Variants in ARMC9 observed in about 807,000 individuals in gnomAD.
ARMC9 encodes the protein lisH domain-containing protein ARMC9.
In ARMC9, 94 loss-of-function variants were observed where a neutral mutation model predicts 107.0. The ratio of observed to expected loss-of-function variants is 0.88; its 90% CI spans 0.74 to 1.04. ARMC9 has a LOEUF of 1.04. ARMC9 is among the 50% of genes least tolerant of loss of function. The probability of loss-of-function intolerance (pLI) is 0.00; values close to 1 mark genes in which losing one functional copy is unlikely to be tolerated. For synonymous variants in ARMC9, 380 were observed against 396.9 expected (o/e 0.96, Z 0.51); for missense variants, 942 against 1,030.1 (o/e 0.91, Z 1.17).
At chr2:231,239,539 G>A (rs1232750029) in intron 8 of ARMC9, among the ~76,000 whole-genome samples, 4 of 152,178 alleles carry the variant, frequency 2.6e-5, no homozygotes, top group East Asian at 1.9e-4. Context: ...TGGTCTTCTC[G>A]AGTCCAGGAC....
intron 13 of ARMC9, 90 bp from the exon 14 acceptor site, chr2:231,272,865 G>A: frequency 1.3e-6 from 2 of 1,484,164 alleles, no homozygotes; most frequent in Non-Finnish European, 1.8e-6. Flanking sequence ...TGTGTTATAT[G>A]CAAAGTAAGT....
chr2:231,235,130 C>A (rs1483640237), intron 7 of ARMC9, 94 bp from the exon 8 acceptor site: 1 of 1,331,264 alleles, frequency 7.5e-7, no homozygotes, highest in Non-Finnish European at 1.0e-6. Flanking sequence ...AGAAAACATT[C>A]TGGCAATAAG....
At chr2:231,350,901 T>C (rs2045038570) in intron 21 of ARMC9, among the ~76,000 whole-genome samples, 1 of 149,162 alleles carries the variant, frequency 6.7e-6, no homozygotes, top group East Asian at 1.9e-4. Context: ...TGAGATGCTA[T>C]GCTTGGAGGT....
chr2:231,263,687 GT>G (rs1326894557), intron 12 of ARMC9, among the ~76,000 whole-genome samples: 1 of 152,212 alleles, frequency 6.6e-6, no homozygotes, highest in Non-Finnish European at 1.5e-5. Context: ...TACAATCTGA[GT>G]TTTGAGTTGC....
At chr2:231,278,072 G>A (rs901421394) in intron 15 of ARMC9, among the ~76,000 whole-genome samples, 7 of 152,128 alleles carry the variant, frequency 4.6e-5, no homozygotes, top group African/African-American at 9.7e-5. Context: ...TGCTCTGACC[G>A]GAGTAATAGC....
chr2:231,309,541 T>C (rs2042219307), intron 19 of ARMC9, among the ~76,000 whole-genome samples: 1 of 152,154 alleles, frequency 6.6e-6, no homozygotes. Context: ...TTTGATCAAA[T>C]CACTATCACT....
Position 231,371,709 on chromosome 2 carries a change from A to G in ARMC9, c.*174A>G, listed in dbSNP as rs2125601732. ...AGAGCAAGGCCATCGCAGCCCCGCCAGCCGGGTCACTTTCTCCCAGGGCAG... is the reference window on the plus strand; with the variant it reads ...AGAGCAAGGCCATCGCAGCCCCGCCGGCCGGGTCACTTTCTCCCAGGGCAG... On this transcript the variant is annotated 3_prime_UTR_variant, in exon 25 of 25. Transcript: ENST00000611582. 1 of 606,794 alleles carries G rather than the reference A, an allele frequency of 1.6e-6. No individual in the cohort carries two copies. Among genetic ancestry groups the G allele is most frequent in the East Asian group, 3.5e-5 (1 of 28,924 alleles). The allele number at this position is 606,794 out of a possible 1,614,324, so 37.6% of individuals were successfully genotyped here. A position where few individuals can be genotyped will look rare whatever the true frequency, so the allele number is the denominator to read the frequency against.
intron 19 of ARMC9, among the ~76,000 whole-genome samples, chr2:231,322,392 A>G (rs1165436118): frequency 5.3e-5 from 8 of 152,234 alleles, no homozygotes; most frequent in Non-Finnish European, 1.5e-5. Flanking sequence ...AGGTGTCTCA[A>G]ATTTAAACTA....
At position 231,255,230 on chromosome 2, in the gene ARMC9, G is replaced by C. The variant is rs2037667837; in HGVS notation, c.880-1356G>C. Reference sequence around the variant, plus strand: ...ACACACACACACACACAAAATAAATGGGACAAGAATCTCCGTAAAGTAGGT... The same window carrying C: ...ACACACACACACACACAAAATAAATCGGACAAGAATCTCCGTAAAGTAGGT... On this transcript the variant is annotated intron_variant, in intron 9 of 24. Coordinates refer to ENST00000611582, the MANE Select transcript of ARMC9 (RefSeq NM_001352754.2). The surrounding 1 kb of genome is among the most constrained non-coding windows in gnomAD (Gnocchi z 4.7). Among the ~76,000 whole-genome samples the C allele has an allele frequency of 6.7e-6, 1 of 148,624 alleles. No homozygotes were observed. The highest frequency in any genetic ancestry group is 1.5e-5 in the Non-Finnish European group (1 of 67,128).
chr2:231,237,175 C>CGCGT (rs1553601760), intron 8 of ARMC9, among the ~76,000 whole-genome samples: 1 of 148,698 alleles, frequency 6.7e-6, no homozygotes. Context: ...TCTGCGTATG[C>CGCGT]GTGTGTGTGT....
chr2:231,269,520 G>A (rs1260126526), intron 12 of ARMC9, among the ~76,000 whole-genome samples: 1 of 150,448 alleles, frequency 6.6e-6, no homozygotes, highest in Non-Finnish European at 1.5e-5. Flanking sequence ...CGAGTAGCTG[G>A]GATTACAGGT....
At chr2:231,232,991 C>T (rs1323191093) in intron 7 of ARMC9, among the ~76,000 whole-genome samples, 2 of 152,100 alleles carry the variant, frequency 1.3e-5, no homozygotes, top group East Asian at 3.9e-4. Flanking sequence ...GCTGGGACTA[C>T]AGGTGCGTGC....
chr2:231,294,370 C>T (rs1468169870), intron 18 of ARMC9: 1 of 152,620 alleles, frequency 6.6e-6, no homozygotes. Flanking sequence ...CCAGCCAGGT[C>T]ACTGGGCAGG....
chr2:231,369,885 C>T (rs1271061450), intron 23 of ARMC9, 68 bp from the exon 24 acceptor site: 2 of 1,368,046 alleles, frequency 1.5e-6, no homozygotes, highest in Non-Finnish European at 1.9e-6. Flanking sequence ...GGAGCCACCA[C>T]ACCCGGCCCC....
intron 21 of ARMC9, among the ~76,000 whole-genome samples, chr2:231,353,340 C>G (rs1256101913): frequency 1.6e-5 from 2 of 123,798 alleles, no homozygotes; most frequent in Non-Finnish European, 3.0e-5. Context: ...GCGCCTACCA[C>G]CACGCCCGGC....
At position 231,249,891 on chromosome 2, in the gene ARMC9, C is replaced by T. The variant is rs1450751509; in HGVS notation, c.880-6695C>T. ...GAGACCACCGCCCACCCGTGCACACCTCCACGGGAGGGAGACCACCGCCCA... is the reference window on the plus strand; with the variant it reads ...GAGACCACCGCCCACCCGTGCACACTTCCACGGGAGGGAGACCACCGCCCA... On this transcript the variant is annotated intron_variant, in intron 9 of 24. Transcript: ENST00000611582. Among the ~76,000 whole-genome samples the T allele has an allele frequency of 7.4e-3, 395 of 53,578 alleles. 65 individuals carry two copies. Among genetic ancestry groups the T allele is most frequent in the African/African-American group, 0.037 (354 of 9,598 alleles). The allele number at this position is 53,578 out of a possible 152,430, so 35.1% of individuals were successfully genotyped here.
intron 3 of ARMC9, among the ~76,000 whole-genome samples, chr2:231,211,008 G>A (rs6731220): frequency 0.023 from 3,555 of 152,164 alleles, 155 homozygotes; most frequent in African/African-American, 0.082. Flanking sequence ...TGCAGTATTC[G>A]TCTTTCTGTA....
chr2:231,260,098 G>A (rs929195436), intron 11 of ARMC9, among the ~76,000 whole-genome samples: 2 of 152,080 alleles, frequency 1.3e-5, no homozygotes, highest in Non-Finnish European at 2.9e-5. Flanking sequence ...ACATTTTTGC[G>A]ACAAATACTA....
At chr2:231,224,661 TATAA>T (rs2034475307) in intron 6 of ARMC9, among the ~76,000 whole-genome samples, 1 of 152,264 alleles carries the variant, frequency 6.6e-6, no homozygotes, top group Non-Finnish European at 1.5e-5. Flanking sequence ...AGCAGGTAAC[TATAA>T]ATAACATTCT....
Sources: gnomAD v4.1 joint callset for allele counts (sites outside exome capture counted in the v4.1 genomes callset) on GRCh38, gnomAD v4.1.1 for gene constraint, Gnocchi (gnomAD v3.1) non-coding constraint, MANE v1.5 for transcripts, NCBI Gene and HGNC (gene_info 2026-07-23, HGNC 2026-07-21) for gene names.